The following RAD54L2 variants were observed in gnomAD, a reference collection of about 807,000 sequenced individuals.
RAD54L2 encodes helicase ARIP4.
Under a neutral mutation model 138.4 loss-of-function variants are expected in RAD54L2, and 27 were observed. That is an observed-to-expected ratio of 0.20 (90% CI 0.14 to 0.27). RAD54L2 has a LOEUF of 0.27. Among genes scored for constraint, RAD54L2 ranks in the 10% least tolerant of loss-of-function variants. The probability of loss-of-function intolerance (pLI) is 1.00; values close to 1 mark genes in which losing one functional copy is unlikely to be tolerated. For synonymous variants in RAD54L2, 644 were observed against 723.2 expected (o/e 0.89, Z 1.76); for missense variants, 1,396 against 1,890.2 (o/e 0.74, Z 4.85).
At chr3:51,620,636 A>G (rs999853981) in intron 3 of RAD54L2, among the ~76,000 whole-genome samples, 1 of 151,970 alleles carries the variant, frequency 6.6e-6, no homozygotes, top group African/African-American at 2.4e-5. Context: ...GCCTAGTCAA[A>G]TTTATAGTGG....
intron 2 of RAD54L2, among the ~76,000 whole-genome samples, chr3:51,585,132 C>G (rs1699684373): frequency 6.6e-6 from 1 of 152,050 alleles, no homozygotes; most frequent in African/African-American, 2.4e-5. Context: ...TCTTAAAAGA[C>G]TTTCTTCCCC....
chr3:51,633,375 G>T (rs1700896796), intron 7 of RAD54L2, among the ~76,000 whole-genome samples: 1 of 152,172 alleles, frequency 6.6e-6, no homozygotes, highest in Non-Finnish European at 1.5e-5. Context: ...CTGTACTAGT[G>T]AATCCTTTTC....
Position 51,638,174 on chromosome 3 carries a change from C to T in RAD54L2, c.1713C>T (p.Leu571=), listed in dbSNP as rs147665933. The change falls in exon 12 of 23, where the codon CTC becomes CTT. Residue 571 remains leucine (L), a synonymous_variant. Coordinates refer to ENST00000684192, the MANE Select transcript of RAD54L2 (RefSeq NM_015106.4). The surrounding 1 kb of genome is among the most constrained non-coding windows in gnomAD (Gnocchi z 4.3). ...GCCACACTGTGCTGAAGATTCATCT[C>T]CCTGCCAAGGAAGAAAATGTGATCC... ...RRGHTVLKIH[L]PAKEENVILV... 0.015 allele frequency: 24,172 copies of T among 1,613,900 alleles called. 305 individuals are homozygous for T. The highest frequency in any genetic ancestry group is 0.015 in the Non-Finnish European group (18,233 of 1,179,836).
Position 51,587,205 on chromosome 3 carries a change from A to G in RAD54L2, c.-54-3162A>G, listed in dbSNP as rs1342622316. Among the ~76,000 whole-genome samples, 8 of 151,286 alleles carry G rather than the reference A, an allele frequency of 5.3e-5. No homozygotes were observed. In the East Asian group the frequency reaches 1.2e-3, roughly 22 times the overall value. Reference sequence around the variant, plus strand: ...AAGCTCCGCCTCCCGGGTTCACGCCATTCTCCTGCCTCAGCCTCCCAAGTA... The same window carrying G: ...AAGCTCCGCCTCCCGGGTTCACGCCGTTCTCCTGCCTCAGCCTCCCAAGTA... On this transcript the variant is annotated intron_variant, in intron 2 of 22. Transcript: ENST00000684192.
intron 19 of RAD54L2, among the ~76,000 whole-genome samples, chr3:51,647,970 G>A (rs914208832): frequency 6.6e-5 from 10 of 152,188 alleles, no homozygotes; most frequent in South Asian, 2.1e-4. Context: ...GCCCACAGAG[G>A]GCGAGCCGAA....
At chr3:51,653,897 G>A (rs530603371) in intron 19 of RAD54L2, among the ~76,000 whole-genome samples, 4 of 152,230 alleles carry the variant, frequency 2.6e-5, no homozygotes, top group South Asian at 4.2e-4. Context: ...AACCCTACAC[G>A]TTGTGCATGT....
At chr3:51,631,981 C>A (rs533275781) in intron 7 of RAD54L2, among the ~76,000 whole-genome samples, 2 of 152,074 alleles carry the variant, frequency 1.3e-5, no homozygotes, top group African/African-American at 4.8e-5. Context: ...CTTCCTCCCC[C>A]TCCTCTCCCT....
At chr3:51,624,250 T>C (rs1700629755) in intron 3 of RAD54L2, among the ~76,000 whole-genome samples, 2 of 150,078 alleles carry the variant, frequency 1.3e-5, no homozygotes, top group South Asian at 4.2e-4. Context: ...TTTTTTTTTT[T>C]TAGACAGGGT....
intron 2 of RAD54L2, among the ~76,000 whole-genome samples, chr3:51,552,362 A>G (rs575414314): frequency 6.6e-6 from 1 of 151,126 alleles, no homozygotes; most frequent in South Asian, 2.1e-4. Context: ...TCCCGGGTTC[A>G]TGCCATTCTC....
intron 2 of RAD54L2, 86 bp from the exon 3 acceptor site, chr3:51,590,281 G>A: frequency 9.7e-7 from 1 of 1,027,210 alleles, no homozygotes; most frequent in Non-Finnish European, 1.4e-6. Context: ...ATGAGCCACT[G>A]TGCCCAGCTA....
At position 51,663,212 on chromosome 3, in the gene RAD54L2, C is replaced by T; in HGVS notation, c.4196C>T (p.Pro1399Leu). The T allele has an allele frequency of 6.2e-7, 1 of 1,614,010 alleles. No individual in the cohort carries two copies. Among genetic ancestry groups the T allele is most frequent in the Non-Finnish European group, 8.5e-7 (1 of 1,179,888 alleles). ...CTGTCCGAGCCGAGGATGTTTGCGC[C>T]TTTTCCTTCCCCTGTCTTGCCCAGC... The part of the protein sequence containing the change: ...PLLSEPRMFA[P>L]FPSPVLPSNL... The change falls in exon 23 of 23, where the codon CCT (proline) becomes CTT (leucine). Residue 1399 changes from proline (P) to leucine (L), a missense_variant. This residue lies in a region of RAD54L2 where 634 missense variants were observed against 711.2 expected (regional missense o/e 0.89). Coordinates refer to ENST00000684192, the MANE Select transcript of RAD54L2 (RefSeq NM_015106.4).
intron 2 of RAD54L2, among the ~76,000 whole-genome samples, chr3:51,553,864 A>G (rs557901764): frequency 1.3e-5 from 2 of 152,300 alleles, no homozygotes; most frequent in Admixed American, 6.5e-5. Context: ...GCACCATACT[A>G]TAGTCTATTA....
chr3:51,556,557 T>G (rs1425083835), intron 2 of RAD54L2, among the ~76,000 whole-genome samples: 1 of 150,374 alleles, frequency 6.7e-6, no homozygotes, highest in Non-Finnish European at 1.5e-5. Context: ...GCCAACCAGA[T>G]GCTTTATCTC....
At chr3:51,618,545 C>A (rs954882078) in intron 3 of RAD54L2, among the ~76,000 whole-genome samples, 1 of 151,896 alleles carries the variant, frequency 6.6e-6, no homozygotes, top group Non-Finnish European at 1.5e-5. Context: ...CCACCGTACC[C>A]CCGACTGGGT....
In RAD54L2 at chr3:51,612,907, G is replaced by A. The variant is rs569137612; in HGVS notation, c.140-14646G>A. 3.2e-4 allele frequency among the ~76,000 whole-genome samples: 49 copies of A among 152,186 alleles called. No homozygotes were observed. In the Middle Eastern group the frequency reaches 0.01, roughly 32 times the overall value. On this transcript the variant is annotated intron_variant, in intron 3 of 22. Coordinates refer to ENST00000684192, the MANE Select transcript of RAD54L2 (RefSeq NM_015106.4). ...AATTTTTCTTGATATTACCCTGTCT[G>A]TAAGATTTTAGTAGAAAAGGCATGT...
intron 3 of RAD54L2, among the ~76,000 whole-genome samples, chr3:51,622,347 T>C (rs1397942958): frequency 6.6e-6 from 1 of 152,158 alleles, no homozygotes; most frequent in Non-Finnish European, 1.5e-5. Flanking sequence ...TAGCCTCTGC[T>C]TTCTTTGGGA....
rs1447419493 is a variant in RAD54L2 at position 51,645,511 on chromosome 3, T to C, written c.2657-80T>C. 1.3e-5 allele frequency: 18 copies of C among 1,367,436 alleles called. No individual in the cohort carries two copies. Among genetic ancestry groups the C allele is most frequent in the Non-Finnish European group, 1.8e-5 (18 of 1,010,122 alleles). 84.7% of individuals were successfully genotyped at this position (1,367,436 alleles called of 1,614,324 possible). A position where few individuals can be genotyped will look rare whatever the true frequency, so the allele number is the denominator to read the frequency against. On this transcript the variant is annotated intron_variant, in intron 17 of 22. Transcript: ENST00000684192. This position sits in a 1 kb window ranked among gnomAD's most constrained non-coding sequence, Gnocchi z 6.1. ...AGACCTAGTCTTTGACTTTCAGATA[T>C]GGGATGACTTTTCATTATTAGTGAC...
In RAD54L2 at chr3:51,637,100, A is replaced by G. The variant is rs1330505114; in HGVS notation, c.1340-61A>G. ...CCTCCAGGGTGCACCCCTACTTCTC[A>G]TATTATTGACTAAGAGCAGGCCCTG... On this transcript the variant is annotated intron_variant, in intron 10 of 22. Coordinates refer to ENST00000684192, the MANE Select transcript of RAD54L2 (RefSeq NM_015106.4). The surrounding 1 kb of genome is among the most constrained non-coding windows in gnomAD (Gnocchi z 5.9). The G allele has an allele frequency of 1.4e-6, 2 of 1,410,326 alleles. No individual in the cohort carries two copies. The highest frequency in any genetic ancestry group is 2.9e-5 in the African/African-American group (2 of 70,008). The allele number at this position is 1,410,326 out of a possible 1,614,324, so 87.4% of individuals were successfully genotyped here. A position where few individuals can be genotyped will look rare whatever the true frequency, so the allele number is the denominator to read the frequency against.
chr3:51,580,051 A>C (rs1357664156), intron 2 of RAD54L2, among the ~76,000 whole-genome samples: 1 of 152,060 alleles, frequency 6.6e-6, no homozygotes, highest in East Asian at 1.9e-4. Context: ...CACTGCCGGG[A>C]GTTGGAGCAG....
Sources: allele counts gnomAD v4.1 joint callset (sites outside exome capture counted in the v4.1 genomes callset), GRCh38; gene constraint gnomAD v4.1.1; regional missense constraint gnomAD v4.1.1; non-coding constraint Gnocchi (gnomAD v3.1); transcripts MANE v1.5; gene names NCBI Gene and HGNC (gene_info 2026-07-23, HGNC 2026-07-21).